The following PDE1C variants were observed in gnomAD, a reference collection of about 807,000 sequenced individuals.
PDE1C encodes the protein phosphodiesterase 1C.
PDE1C carries 62 observed loss-of-function variants against 93.1 expected under a neutral mutation model. The observed-to-expected ratio is 0.67, with a 90% CI of 0.54 to 0.82. PDE1C has a LOEUF of 0.82. PDE1C is among the 40% of genes least tolerant of loss of function. The pLI, the probability that PDE1C is intolerant of heterozygous loss-of-function variation, is 0.00. For missense variants in PDE1C, 742 were observed against 884.6 expected, an observed-to-expected ratio of 0.84 and a Z score of 2.04; for synonymous variants, 325 against 310.1, an observed-to-expected ratio of 1.05 and a Z score of -0.50.
At chr7:31,863,742 A>G (rs1272112153) in intron 7 of PDE1C, among the ~76,000 whole-genome samples, 2 of 152,196 alleles carry the variant, frequency 1.3e-5, no homozygotes, top group African/African-American at 4.8e-5. Flanking sequence ...TATTTTTGAT[A>G]CTTTATTCTA....
chr7:32,057,978 T>C (rs776247079), intron 1 of PDE1C, among the ~76,000 whole-genome samples: 9 of 152,084 alleles, frequency 5.9e-5, no homozygotes, highest in Non-Finnish European at 1.2e-4. Context: ...ACAACAGCCA[T>C]ATGGGTGCTG....
intron 1 of PDE1C, among the ~76,000 whole-genome samples, chr7:32,231,397 T>C (rs1359924474): frequency 6.6e-6 from 1 of 152,082 alleles, no homozygotes. Context: ...TATATGTCAA[T>C]AAATGTAAAA....
At chr7:32,168,509 C>A (rs1276239162) in intron 3 of PDE1C, among the ~76,000 whole-genome samples, 1 of 152,160 alleles carries the variant, frequency 6.6e-6, no homozygotes, top group East Asian at 1.9e-4. Context: ...GGATTGACTC[C>A]ATAAGAAATG....
At chr7:32,058,976 A>AAC (rs1204150138) in intron 1 of PDE1C, among the ~76,000 whole-genome samples, 5 of 151,010 alleles carry the variant, frequency 3.3e-5, no homozygotes, top group Non-Finnish European at 7.4e-5. Context: ...GAAAAAAAAA[A>AAC]AACCTCATTT....
chr7:32,294,849 T>C lies in PDE1C; in HGVS notation c.85+3802A>G, dbSNP rs950814138. ...CACTTCCACATATGGCCTTCAATTA[T>C]GTCATCAGGATAATTACTTGCCGCA... On this transcript the variant is annotated intron_variant, in intron 1 of 18. Coordinates refer to the PDE1C transcript ENST00000396193. Among the ~76,000 whole-genome samples the C allele has an allele frequency of 6.6e-5, 10 of 152,332 alleles. No individual in the cohort carries two copies. The South Asian group carries it at 1.9e-3, about 28-fold the overall frequency.
intron 2 of PDE1C, among the ~76,000 whole-genome samples, chr7:31,985,008 C>T (rs920010551): frequency 2.6e-5 from 4 of 152,168 alleles, no homozygotes; most frequent in Non-Finnish European, 5.9e-5. Flanking sequence ...CACGACCTTT[C>T]CTCAAAGTAA....
intron 1 of PDE1C, among the ~76,000 whole-genome samples, chr7:32,372,317 G>A (rs1332371470): frequency 6.6e-6 from 1 of 152,096 alleles, no homozygotes; most frequent in Non-Finnish European, 1.5e-5. Flanking sequence ...GCCTCCCAAA[G>A]TGTTGGAATT....
intron 1 of PDE1C, among the ~76,000 whole-genome samples, chr7:32,214,412 C>A (rs1174351557): frequency 1.3e-5 from 2 of 152,048 alleles, no homozygotes; most frequent in African/African-American, 4.8e-5. Flanking sequence ...TTGGAATCAC[C>A]TAGGGAATGT....
intron 3 of PDE1C, among the ~76,000 whole-genome samples, chr7:32,152,183 A>G (rs925423661): frequency 1.3e-5 from 2 of 152,102 alleles, no homozygotes; most frequent in Non-Finnish European, 2.9e-5. Context: ...TAGGTCATGG[A>G]GTGGAGTGGA....
chr7:32,353,189 G>T (rs1363205470), intron 1 of PDE1C, among the ~76,000 whole-genome samples: 1 of 2,318 alleles, frequency 4.3e-4, no homozygotes, highest in African/African-American at 5.3e-4. Flanking sequence ...GTTCCTCCTT[G>T]TACCTCTGGT....
chr7:32,186,773 T>C (rs1027061392), intron 2 of PDE1C, among the ~76,000 whole-genome samples: 4 of 152,140 alleles, frequency 2.6e-5, no homozygotes, highest in Admixed American at 6.5e-5. Context: ...TTTTTTGTCA[T>C]CTAACTCATG....
chr7:32,257,697 C>T (rs1235757815), intron 1 of PDE1C, among the ~76,000 whole-genome samples: 1 of 152,150 alleles, frequency 6.6e-6, no homozygotes, highest in Non-Finnish European at 1.5e-5. Flanking sequence ...ATCTCTTAGG[C>T]GGCAGGCAGC....
intron 2 of PDE1C, among the ~76,000 whole-genome samples, chr7:31,899,674 G>A (rs1690200857): frequency 6.6e-6 from 1 of 152,164 alleles, no homozygotes; most frequent in South Asian, 2.1e-4. Context: ...AGACAGAGAA[G>A]GACAAAGGCA....
chr7:31,797,089 T>C (rs777136473), intron 16 of PDE1C, among the ~76,000 whole-genome samples: 1 of 151,768 alleles, frequency 6.6e-6, no homozygotes, highest in African/African-American at 2.4e-5. Context: ...ATTTCCTTAC[T>C]ATTAATGTTC....
intron 3 of PDE1C, among the ~76,000 whole-genome samples, chr7:32,119,621 C>T (rs892233862): frequency 6.6e-6 from 1 of 152,208 alleles, no homozygotes; most frequent in South Asian, 2.1e-4. Context: ...GACTAGGCTG[C>T]TGGCATGATC....
chr7:31,848,964 G>A (rs1792975987), intron 8 of PDE1C, among the ~76,000 whole-genome samples: 1 of 152,212 alleles, frequency 6.6e-6, no homozygotes. Flanking sequence ...CCTGGTCACA[G>A]ACTTTGTTTT....
At chr7:31,859,937 A>G (rs999790017) in intron 7 of PDE1C, among the ~76,000 whole-genome samples, 12 of 152,156 alleles carry the variant, frequency 7.9e-5, no homozygotes, top group African/African-American at 2.7e-4. Context: ...ATAGAAATCT[A>G]TGGTATTCCA....
chr7:31,697,326 G>T, the PDE1C span, among the ~76,000 whole-genome samples: 1 of 152,174 alleles, frequency 6.6e-6, no homozygotes, highest in South Asian at 2.1e-4. Flanking sequence ...ATGGGAAAGG[G>T]TCAGAGCATT....
chr7:32,360,119 C>T (rs1311305007), intron 1 of PDE1C, among the ~76,000 whole-genome samples: 2 of 152,134 alleles, frequency 1.3e-5, no homozygotes, highest in African/African-American at 4.8e-5. Context: ...TCAGTGGCCA[C>T]CACTTAGAGG....
Sources: gnomAD v4.1 joint callset for allele counts (sites outside exome capture counted in the v4.1 genomes callset) on GRCh38, gnomAD v4.1.1 for gene constraint, MANE v1.5 for transcripts, NCBI Gene and HGNC (gene_info 2026-07-23, HGNC 2026-07-21) for gene names.